Variants in DCC observed in about 807,000 individuals in gnomAD.
The protein encoded by DCC is netrin receptor DCC.
Under a neutral mutation model 172.5 loss-of-function variants are expected in DCC, and 58 were observed. That is an observed-to-expected ratio of 0.34 (90% CI 0.27 to 0.42). DCC has a LOEUF of 0.42. DCC is among the 10% of genes least tolerant of loss of function. DCC has a pLI of 1.00. For synonymous variants in DCC, 709 were observed against 644.5 expected (o/e 1.10, Z -1.52); for missense variants, 1,740 against 1,791.0 (o/e 0.97, Z 0.51).
chr18:53,419,123 A>G (rs1910483508), intron 21 of DCC, among the ~76,000 whole-genome samples: 1 of 152,190 alleles, frequency 6.6e-6, no homozygotes, highest in Non-Finnish European at 1.5e-5. Flanking sequence ...TGCAGAGGTT[A>G]GATAGAAAAT....
At chr18:53,480,709 A>C (rs1277653006) in intron 25 of DCC, 1 of 152,162 alleles carries the variant, frequency 6.6e-6, no homozygotes, top group Non-Finnish European at 1.5e-5. Flanking sequence ...TTAAATCCTC[A>C]CAACCACATC....
At chr18:53,089,080 G>A (rs548464359) in intron 7 of DCC, among the ~76,000 whole-genome samples, 1 of 151,966 alleles carries the variant, frequency 6.6e-6, no homozygotes, top group East Asian at 1.9e-4. Flanking sequence ...TCACTTTTTT[G>A]TTGTTGTTGT....
At chr18:53,249,989 G>A (rs994505686) in intron 12 of DCC, among the ~76,000 whole-genome samples, 23 of 152,088 alleles carry the variant, frequency 1.5e-4, no homozygotes, top group Admixed American at 1.4e-3. Flanking sequence ...TTGGATAGGA[G>A]TGAAGACAGA....
chr18:53,386,544 GCTTC>G (rs1908182524), intron 16 of DCC, among the ~76,000 whole-genome samples: 1 of 152,120 alleles, frequency 6.6e-6, no homozygotes, highest in Non-Finnish European at 1.5e-5. Context: ...ATAGACACTT[GCTTC>G]TCCACACAGG....
intron 26 of DCC, among the ~76,000 whole-genome samples, chr18:53,496,359 G>A (rs1211312915): frequency 6.6e-6 from 1 of 152,142 alleles, no homozygotes; most frequent in Non-Finnish European, 1.5e-5. Flanking sequence ...GCCACAGAGG[G>A]GCCTGACTGT....
chr18:53,017,324 C>G (rs1459633433), intron 5 of DCC, among the ~76,000 whole-genome samples: 1 of 152,066 alleles, frequency 6.6e-6, no homozygotes, highest in East Asian at 1.9e-4. Context: ...GTAACAACTT[C>G]CAGTAAAAAT....
chr18:52,828,009 TAC>T (rs2038542826), intron 2 of DCC, among the ~76,000 whole-genome samples: 1 of 152,166 alleles, frequency 6.6e-6, no homozygotes, highest in African/African-American at 2.4e-5. Flanking sequence ...ATTTCCACTT[TAC>T]ACAGAGGTCA....
At chr18:52,827,275 A>G (rs1439235024) in intron 2 of DCC, among the ~76,000 whole-genome samples, 2 of 152,212 alleles carry the variant, frequency 1.3e-5, no homozygotes, top group Admixed American at 1.3e-4. Flanking sequence ...ACCCCAATTG[A>G]TAAGCAGAGT....
chr18:52,529,285 T>C (rs895303473), intron 1 of DCC, among the ~76,000 whole-genome samples: 21 of 152,072 alleles, frequency 1.4e-4, no homozygotes, highest in African/African-American at 5.1e-4. Flanking sequence ...GTTTTTTGGT[T>C]TGTTTGTTTT....
At chr18:53,505,393 T>C (rs2046159476) in intron 27 of DCC, 1 of 152,240 alleles carries the variant, frequency 6.6e-6, no homozygotes, top group South Asian at 2.1e-4. Context: ...TATGGGACTA[T>C]TGCTTACAAT....
chr18:53,219,382 A>T (rs547726363), intron 12 of DCC, among the ~76,000 whole-genome samples: 1 of 152,290 alleles, frequency 6.6e-6, no homozygotes, highest in South Asian at 2.1e-4. Context: ...TCAGTATACC[A>T]GTCAACTCAC....
chr18:53,472,611 T>C (rs1297575714), intron 25 of DCC, among the ~76,000 whole-genome samples: 1 of 152,188 alleles, frequency 6.6e-6, no homozygotes, highest in African/African-American at 2.4e-5. Flanking sequence ...TGCCATTGCT[T>C]TTTCTTTCAC....
chr18:52,599,895 C>T (rs148618624), intron 1 of DCC, among the ~76,000 whole-genome samples: 8 of 152,270 alleles, frequency 5.3e-5, no homozygotes, highest in South Asian at 2.1e-4. Flanking sequence ...CTTTGTGTTG[C>T]GTGCTGTTAT....
At position 52,496,355 on chromosome 18, in the gene DCC, A is replaced by G. The variant is rs1336231959; in HGVS notation, c.91+155477A>G. Among the ~76,000 whole-genome samples, 4 of 152,194 alleles carry G rather than the reference A, an allele frequency of 2.6e-5. No individual in the cohort carries two copies. In the East Asian group the frequency reaches 7.7e-4, roughly 29 times the overall value. ...ATTAATAACCATGAGCATCGGGACA[A>G]TGTAGAAATATGAAACATGTTTTCC... On this transcript the variant is annotated intron_variant, in intron 1 of 28. Transcript: ENST00000442544.
chr18:53,324,730 A>G (rs2057448567), intron 14 of DCC, among the ~76,000 whole-genome samples: 1 of 152,108 alleles, frequency 6.6e-6, no homozygotes, highest in East Asian at 1.9e-4. Flanking sequence ...AAAATAGAAG[A>G]GTGGTCACAA....
At chr18:52,661,034 G>T (rs1021549153) in intron 1 of DCC, among the ~76,000 whole-genome samples, 1 of 152,164 alleles carries the variant, frequency 6.6e-6, no homozygotes, top group African/African-American at 2.4e-5. Flanking sequence ...AACCCCCAAG[G>T]ACAGCAAGAA....
intron 1 of DCC, among the ~76,000 whole-genome samples, chr18:52,674,613 C>CA (rs1032067274): frequency 3.3e-5 from 5 of 152,174 alleles, no homozygotes; most frequent in African/African-American, 1.2e-4. Context: ...GAGTGAATAC[C>CA]AAAAAATGTG....
intron 22 of DCC, among the ~76,000 whole-genome samples, 177 bp downstream of exon 22, chr18:53,435,386 A>C (rs1911876861): frequency 6.6e-6 from 1 of 152,186 alleles, no homozygotes; most frequent in African/African-American, 2.4e-5. Flanking sequence ...AAAAAAAACA[A>C]AAAACTTCTA....
At chr18:52,707,938 G>A (rs2036235828) in intron 1 of DCC, among the ~76,000 whole-genome samples, 1 of 152,140 alleles carries the variant, frequency 6.6e-6, no homozygotes, top group Admixed American at 6.5e-5. Flanking sequence ...GACATTTATT[G>A]TACATATGGT....
Sources: gnomAD v4.1 joint callset for allele counts (sites outside exome capture counted in the v4.1 genomes callset) on GRCh38, gnomAD v4.1.1 for gene constraint, MANE v1.5 for transcripts, NCBI Gene and HGNC (gene_info 2026-07-23, HGNC 2026-07-21) for gene names.